The following OTOF variants were observed in gnomAD, a reference collection of about 807,000 sequenced individuals.
OTOF encodes the protein fer-1-like family member 2.
OTOF carries 218 observed loss-of-function variants against 236.8 expected under a neutral mutation model. The ratio of observed to expected loss-of-function variants is 0.92; its 90% CI spans 0.82 to 1.03. The LOEUF is 1.03. Ranked by LOEUF, OTOF falls within the 50% of genes least tolerant of loss-of-function variation. The probability of loss-of-function intolerance (pLI) is 0.00; values close to 1 mark genes in which losing one functional copy is unlikely to be tolerated. For missense variants in OTOF, 2,590 were observed against 2,694.4 expected (o/e 0.96, Z 0.86); for synonymous variants, 1,041 against 1,072.5 (o/e 0.97, Z 0.57).
rs1420974157 is a variant in OTOF, at chr2:26,465,913, AG to A, written c.4628+35del. ...GGGAGGTGTTCTGGGTTGGAGAAGT[AG>A]GGGTGTGGCAGGGGAGGGCACCAAG... On this transcript the variant is annotated intron_variant, in intron 37 of 46. Transcript: ENST00000272371. 2.5e-6 allele frequency: 4 copies of A among 1,614,210 alleles called. No homozygotes were observed. In the South Asian group the frequency reaches 4.4e-5, roughly 18 times the overall value.
chr2:26,490,870 G>A (rs374270049), intron 9 of OTOF, among the ~76,000 whole-genome samples: 12 of 152,286 alleles, frequency 7.9e-5, no homozygotes, highest in Admixed American at 2.6e-4. Context: ...TGTGCACCAC[G>A]GTAAGCACAT....
chr2:26,542,217 G>T (rs1667226076), intron 1 of OTOF, among the ~76,000 whole-genome samples: 1 of 152,192 alleles, frequency 6.6e-6, no homozygotes, highest in Admixed American at 6.5e-5. Context: ...CCCTGCTAGG[G>T]CCACACCTCT....
intron 5 of OTOF, among the ~76,000 whole-genome samples, chr2:26,514,858 G>A (rs1182558076): frequency 1.3e-5 from 2 of 152,170 alleles, no homozygotes; most frequent in South Asian, 2.1e-4. Context: ...CTTAGAGCCC[G>A]GCTTCTGGTT....
chr2:26,496,601 G>C (rs988028168), intron 8 of OTOF, among the ~76,000 whole-genome samples: 5 of 151,954 alleles, frequency 3.3e-5, no homozygotes, highest in African/African-American at 1.2e-4. Context: ...GAGAGAGAGA[G>C]CCAGAGCACC....
At chr2:26,484,102 G>C (rs925226414) in intron 12 of OTOF, among the ~76,000 whole-genome samples, 1 of 152,200 alleles carries the variant, frequency 6.6e-6, no homozygotes, top group Non-Finnish European at 1.5e-5. Context: ...CTCCAGACAA[G>C]GTCACAGAAT....
chr2:26,478,930 C>A (rs1455063482), intron 18 of OTOF, among the ~76,000 whole-genome samples: 1 of 152,236 alleles, frequency 6.6e-6, no homozygotes. Flanking sequence ...AACTCCTGAC[C>A]TCAGGTGATC....
chr2:26,512,220 T>C (rs1337438195), intron 5 of OTOF, among the ~76,000 whole-genome samples: 1 of 151,890 alleles, frequency 6.6e-6, no homozygotes, highest in African/African-American at 2.4e-5. Flanking sequence ...GAAGAGGAGA[T>C]AGTCGCAGAA....
In OTOF at chr2:26,484,284, A is replaced by T. The variant is rs570440116; in HGVS notation, c.1205+190T>A. Among the ~76,000 whole-genome samples, 17 of 152,324 alleles carry T rather than the reference A, an allele frequency of 1.1e-4. No individual in the cohort carries two copies. The South Asian group carries it at 2.5e-3, about 22-fold the overall frequency. On this transcript the variant is annotated intron_variant, in intron 12 of 46. Coordinates refer to ENST00000272371, the MANE Select transcript of OTOF (RefSeq NM_194248.3). ...TGGCAGAAAGGATGTCAAAGGACTG[A>T]TATTCTCAGCCATCCTCCATCACCC...
At chr2:26,518,860 C>T in intron 4 of OTOF, 150 bp downstream of exon 4, 2 of 698,974 alleles carry the variant, frequency 2.9e-6, no homozygotes, top group South Asian at 3.2e-5. Flanking sequence ...TGAGCCATTC[C>T]AGCAGAGTCT....
intron 1 of OTOF, among the ~76,000 whole-genome samples, chr2:26,557,455 C>T (rs1485406017): frequency 6.6e-6 from 1 of 152,156 alleles, no homozygotes; most frequent in Non-Finnish European, 1.5e-5. Context: ...CCTGCCTTTC[C>T]CCACTTAAAA....
At chr2:26,467,579 C>T in intron 33 of OTOF, 78 bp from the exon 34 acceptor site, 17 of 1,509,238 alleles carry the variant, frequency 1.1e-5, no homozygotes, top group Non-Finnish European at 1.5e-5. Flanking sequence ...AGCTCTGTCG[C>T]TAATTTGCTT....
At position 26,473,316 on chromosome 2, in the gene OTOF, C is replaced by A. The variant is rs767469771; in HGVS notation, c.3571-22G>T. ...GGTCCTGGGGTGTTGGCGACAGGAG[C>A]CTGAGCCTCCAAGAAGGGGCAGAGG... is the stretch of plus-strand genomic sequence containing the variant. On this transcript the variant is annotated intron_variant, in intron 28 of 46. Coordinates refer to ENST00000272371, the MANE Select transcript of OTOF (RefSeq NM_194248.3). The surrounding 1 kb of genome is among the most constrained non-coding windows in gnomAD (Gnocchi z 7.2). 2.5e-6 allele frequency: 4 copies of A among 1,613,196 alleles called. No homozygotes were observed. The highest frequency in any genetic ancestry group is 3.4e-6 in the Non-Finnish European group (4 of 1,179,906).
chr2:26,474,924 C>T (rs2148045507), intron 25 of OTOF, among the ~76,000 whole-genome samples: 2 of 151,996 alleles, frequency 1.3e-5, no homozygotes, highest in South Asian at 4.2e-4. Flanking sequence ...TATCTGGGCA[C>T]CTCAGCAGCT....
Position 26,477,655 on chromosome 2 carries a change from C to G in OTOF, c.2309G>C (p.Gly770Ala). ...GCCGCCCCTCCCTTCTCACCAGCAG[C>G]CACAGCTCAGCTCCTCCAGGACGCC... ...LRGVLEELSC[G>A]CCRFLSLADK... The change falls in exon 19 of 47, where the codon GGC becomes GCC. Residue 770 changes from glycine to alanine, a missense_variant. Around this residue, in one of 2 missense-constraint regions of OTOF, gnomAD observed 1,379 missense variants for 1,341.6 expected, o/e 1.03. Coordinates refer to ENST00000272371, the MANE Select transcript of OTOF (RefSeq NM_194248.3). This position sits in a 1 kb window ranked among gnomAD's most constrained non-coding sequence, Gnocchi z 4.7. The G allele has an allele frequency of 4.3e-6, 7 of 1,612,448 alleles. No homozygotes were observed. The highest frequency in any genetic ancestry group is 5.9e-6 in the Non-Finnish European group (7 of 1,179,956).
chr2:26,488,340 G>A (rs748964743), intron 11 of OTOF, among the ~76,000 whole-genome samples: 15 of 152,180 alleles, frequency 9.9e-5, no homozygotes, highest in Non-Finnish European at 2.1e-4. Flanking sequence ...CGCCTAATGG[G>A]GTCATTACAG....
chr2:26,468,338 G>A (rs554104213), intron 33 of OTOF, 70 bp downstream of exon 33: 33 of 1,100,126 alleles, frequency 3.0e-5, no homozygotes, highest in Middle Eastern at 2.3e-4. Context: ...AGCAGGTGAT[G>A]AGGTGGGCAG....
chr2:26,480,530 A>AG (rs1665508412), intron 15 of OTOF, among the ~76,000 whole-genome samples: 1 of 152,218 alleles, frequency 6.6e-6, no homozygotes, highest in Non-Finnish European at 1.5e-5. Context: ...GTGGCTGGGA[A>AG]GAGGGGCAGA....
At position 26,477,926 on chromosome 2, in the gene OTOF, C is replaced by T; in HGVS notation, c.2215-177G>A. ...TCATCAATTTCCCAGGTTCTGTTCT[C>T]AGAACCTGGAGATGTTGGTGTTCAT... On this transcript the variant is annotated intron_variant, in intron 18 of 46. Coordinates refer to ENST00000272371, the MANE Select transcript of OTOF (RefSeq NM_194248.3). The surrounding 1 kb of genome is among the most constrained non-coding windows in gnomAD (Gnocchi z 4.7). The T allele has an allele frequency of 2.7e-6, 4 of 1,499,854 alleles. No homozygotes were observed. Among genetic ancestry groups the T allele is most frequent in the Non-Finnish European group, 3.5e-6 (4 of 1,127,256 alleles). 92.9% of individuals were successfully genotyped at this position (1,499,854 alleles called of 1,614,324 possible).
At position 26,462,855 on chromosome 2, in the gene OTOF, C is replaced by T. The variant is rs1272131531; in HGVS notation, c.5192+628G>A. 3.3e-5 allele frequency among the ~76,000 whole-genome samples: 5 copies of T among 152,234 alleles called. No individual in the cohort carries two copies. The highest frequency in any genetic ancestry group is 2.0e-4 in the Admixed American group (3 of 15,290). On this transcript the variant is annotated intron_variant, in intron 41 of 46. Coordinates refer to ENST00000272371, the MANE Select transcript of OTOF (RefSeq NM_194248.3). This position sits in a 1 kb window ranked among gnomAD's most constrained non-coding sequence, Gnocchi z 4.7. The stretch of plus-strand genomic sequence containing the variant: ...ACAAGAGTGGGACCCTGTGTGGCTT[C>T]CTCCATCCCTGAAGCTGGCCCTGAA...
Sources: allele counts gnomAD v4.1 joint callset (sites outside exome capture counted in the v4.1 genomes callset), GRCh38; gene constraint gnomAD v4.1.1; regional missense constraint gnomAD v4.1.1; non-coding constraint Gnocchi (gnomAD v3.1); transcripts MANE v1.5; gene names NCBI Gene and HGNC (gene_info 2026-07-23, HGNC 2026-07-21).